The following SCARA5 variants were observed in gnomAD, a reference collection of about 807,000 sequenced individuals.
The protein encoded by SCARA5 is scavenger receptor class A member 5, also known as scavenger receptor class A, member 5 (putative).
A neutral mutation model predicts 46.3 loss-of-function variants in SCARA5; 45 were observed. The observed-to-expected ratio is 0.97, with a 90% CI of 0.76 to 1.24. The LOEUF (loss-of-function observed/expected upper bound fraction) is 1.24. SCARA5 is among the 50% of genes most tolerant of loss of function. SCARA5 has a pLI of 0.00. For missense variants in SCARA5, 680 were observed against 689.0 expected (o/e 0.99, Z 0.15); for synonymous variants, 333 against 306.5 (o/e 1.09, Z -0.90).
chr8:27,928,204 A>G (rs1410916055), intron 3 of SCARA5, among the ~76,000 whole-genome samples: 1 of 152,234 alleles, frequency 6.6e-6, no homozygotes, highest in Non-Finnish European at 1.5e-5. Context: ...TGCTGTCCTC[A>G]ACAGGGAATA....
intron 4 of SCARA5, among the ~76,000 whole-genome samples, chr8:27,917,138 G>T (rs1185070710): frequency 6.6e-6 from 1 of 152,210 alleles, no homozygotes; most frequent in Non-Finnish European, 1.5e-5. Context: ...GCTTATAAAT[G>T]TCCCAGTCTA....
At chr8:27,928,840 A>G (rs1807723408) in intron 3 of SCARA5, among the ~76,000 whole-genome samples, 1 of 151,720 alleles carries the variant, frequency 6.6e-6, no homozygotes, top group Non-Finnish European at 1.5e-5. Flanking sequence ...TAGTTTTTGT[A>G]TTTTTAGTAG....
intron 3 of SCARA5, among the ~76,000 whole-genome samples, chr8:27,923,124 G>A (rs1186228540): frequency 6.6e-6 from 1 of 152,230 alleles, no homozygotes; most frequent in Non-Finnish European, 1.5e-5. Context: ...AAAATTTACA[G>A]CAAGTAAACC....
At chr8:27,972,626 G>A (rs1170136418) in intron 2 of SCARA5, among the ~76,000 whole-genome samples, 1 of 152,222 alleles carries the variant, frequency 6.6e-6, no homozygotes, top group African/African-American at 2.4e-5. Flanking sequence ...CACTTCAGGA[G>A]GCTGAGATGG....
intron 3 of SCARA5, among the ~76,000 whole-genome samples, chr8:27,941,440 A>G (rs983404534): frequency 7.9e-5 from 12 of 152,168 alleles, no homozygotes; most frequent in Non-Finnish European, 1.3e-4. Context: ...CGTCTACCTC[A>G]TGGGGTTGTG....
intron 2 of SCARA5, among the ~76,000 whole-genome samples, chr8:27,987,106 G>C (rs879275811): frequency 6.6e-6 from 1 of 152,240 alleles, no homozygotes; most frequent in Non-Finnish European, 1.5e-5. Context: ...TGCCCCTCAC[G>C]AGTGCTTCAG....
intron 3 of SCARA5, among the ~76,000 whole-genome samples, chr8:27,931,949 C>T (rs566182133): frequency 2.9e-4 from 44 of 151,120 alleles, no homozygotes; most frequent in Admixed American, 6.0e-4. Context: ...CCACCGCACC[C>T]GGCCAAAGAA....
At chr8:27,947,375 G>A (rs1235393243) in intron 3 of SCARA5, among the ~76,000 whole-genome samples, 2 of 152,114 alleles carry the variant, frequency 1.3e-5, no homozygotes, top group Non-Finnish European at 2.9e-5. Context: ...CTGCTTCTGG[G>A]TACAAGCCCA....
intron 2 of SCARA5, among the ~76,000 whole-genome samples, chr8:27,977,334 C>T (rs760388503): frequency 5.9e-5 from 9 of 152,142 alleles, no homozygotes; most frequent in Non-Finnish European, 1.2e-4. Context: ...GCCCCCCCAT[C>T]ACCCACTGTT....
intron 3 of SCARA5, among the ~76,000 whole-genome samples, chr8:27,950,251 G>A (rs1252405960): frequency 2.0e-5 from 3 of 152,254 alleles, no homozygotes; most frequent in African/African-American, 7.2e-5. Flanking sequence ...AACCACCTAT[G>A]TCTGCACTTT....
At chr8:27,929,719 A>T (rs925232061) in intron 3 of SCARA5, among the ~76,000 whole-genome samples, 3 of 152,222 alleles carry the variant, frequency 2.0e-5, no homozygotes, top group African/African-American at 7.2e-5. Flanking sequence ...GCAAACTCCA[A>T]GCAGGCGGAG....
At chr8:27,878,611 G>A (rs1284073948) in intron 8 of SCARA5, among the ~76,000 whole-genome samples, 2 of 152,236 alleles carry the variant, frequency 1.3e-5, no homozygotes, top group African/African-American at 4.8e-5. Flanking sequence ...ATGAGGGCAA[G>A]ATGAATATCT....
intron 2 of SCARA5, among the ~76,000 whole-genome samples, chr8:27,967,662 C>T (rs553128271): frequency 6.6e-6 from 1 of 152,296 alleles, no homozygotes; most frequent in South Asian, 2.1e-4. Context: ...CCTGTAATCC[C>T]AGCACTGTGG....
intron 7 of SCARA5, among the ~76,000 whole-genome samples, chr8:27,889,444 A>G (rs368299345): frequency 1.2e-3 from 176 of 152,334 alleles, no homozygotes; most frequent in African/African-American, 4.1e-3. Flanking sequence ...GTGTGGGAGC[A>G]GAGGCCCAGA....
chr8:27,887,844 TAAGA>T (rs1806922130), intron 7 of SCARA5, among the ~76,000 whole-genome samples: 2 of 152,084 alleles, frequency 1.3e-5, no homozygotes, highest in Admixed American at 1.3e-4. Context: ...AGCAACTTGG[TAAGA>T]AAGAAAGAAA....
In SCARA5 at chr8:27,905,523, T is replaced by TGGCGGGGGGGC. The variant is rs751627046; in HGVS notation, c.1097-690_1097-689insGCCCCCCCGCC. 1.1e-4 allele frequency among the ~76,000 whole-genome samples: 6 copies of TGGCGGGGGGGC among 53,696 alleles called. 2 individuals carry two copies. The highest frequency in any genetic ancestry group is 2.6e-4 in the Non-Finnish European group (5 of 19,484). 35.2% of individuals were successfully genotyped at this position (53,696 alleles called of 152,430 possible). A position where few individuals can be genotyped will look rare whatever the true frequency, so the allele number is the denominator to read the frequency against. ...AGAATGCCCAGGATGATCCAAGATT[T>TGGCGGGGGGGC]GGGGGGGGGAAAAAAAAAAGGCAGC... is the stretch of plus-strand genomic sequence containing the variant. On this transcript the variant is annotated intron_variant, in intron 6 of 8. Coordinates refer to ENST00000354914, the MANE Select transcript of SCARA5 (RefSeq NM_173833.6).
chr8:27,965,077 A>C (rs2726941), intron 3 of SCARA5, among the ~76,000 whole-genome samples: 82,073 of 151,852 alleles, frequency 0.54, 22,388 homozygotes, highest in South Asian at 0.66. Flanking sequence ...AGGGATGAAT[A>C]ATGAGGTTCT....
chr8:27,870,260 T>G lies in SCARA5; in HGVS notation c.*1674A>C, dbSNP rs980560554. On this transcript the variant is annotated 3_prime_UTR_variant, in exon 9 of 9. Transcript: ENST00000354914. ...TAACTTAAATGCAAACCTTGCAATG[T>G]GCTGAGCTATGTAGTAAAAAGTGCT... 2.0e-5 allele frequency: 3 copies of G among 151,090 alleles called. No individual in the cohort carries two copies. Among genetic ancestry groups the G allele is most frequent in the Non-Finnish European group, 2.9e-5 (2 of 67,864 alleles). The allele number at this position is 151,090 out of a possible 1,614,324, so 9.4% of individuals were successfully genotyped here.
chr8:27,983,395 A>C (rs1426850417), intron 2 of SCARA5, among the ~76,000 whole-genome samples: 2 of 152,208 alleles, frequency 1.3e-5, no homozygotes, highest in Non-Finnish European at 2.9e-5. Context: ...CAGATTCTGC[A>C]CTTGGATTCC....
Sources: gnomAD v4.1 joint callset for allele counts (sites outside exome capture counted in the v4.1 genomes callset) on GRCh38, gnomAD v4.1.1 for gene constraint, MANE v1.5 for transcripts, NCBI Gene and HGNC (gene_info 2026-07-23, HGNC 2026-07-21) for gene names.